BTBD9: variants seen among roughly 807,000 people sequenced by gnomAD.
BTBD9 encodes BTB/POZ domain-containing protein 9.
BTBD9 carries 49 observed loss-of-function variants against 64.3 expected under a neutral mutation model. The ratio of observed to expected loss-of-function variants is 0.76; its 90% CI spans 0.61 to 0.97. The LOEUF (loss-of-function observed/expected upper bound fraction) is 0.97, where lower values mean the gene tolerates loss of function less well. BTBD9 is among the 50% of genes least tolerant of loss of function. BTBD9 has a pLI of 0.00. For synonymous variants in BTBD9, 260 were observed against 274.7 expected (o/e 0.95, Z 0.53); for missense variants, 598 against 762.1 (o/e 0.78, Z 2.53).
intron 7 of BTBD9, among the ~76,000 whole-genome samples, chr6:38,323,659 C>T (rs1290667393): frequency 1.3e-5 from 2 of 152,160 alleles, no homozygotes; most frequent in African/African-American, 4.8e-5. Context: ...CCATTTTGTA[C>T]TTATAGTAGG....
chr6:38,293,329 A>G (rs1762031757), intron 7 of BTBD9, among the ~76,000 whole-genome samples: 1 of 152,226 alleles, frequency 6.6e-6, no homozygotes, highest in Admixed American at 6.5e-5. Context: ...TTTAAATTTC[A>G]CATGGAACCA....
intron 1 of BTBD9, among the ~76,000 whole-genome samples, chr6:38,616,251 T>C (rs1419972030): frequency 6.6e-6 from 1 of 152,124 alleles, no homozygotes; most frequent in Non-Finnish European, 1.5e-5. Flanking sequence ...ACCCTGAGCC[T>C]CAGATGAGAT....
chr6:38,545,847 CACACACAT>C (rs1251290482), intron 6 of BTBD9, among the ~76,000 whole-genome samples: 75 of 102,754 alleles, frequency 7.3e-4, no homozygotes, highest in East Asian at 4.3e-3. Context: ...AACACACACA[CACACACAT>C]ACACACACAC....
intron 6 of BTBD9, among the ~76,000 whole-genome samples, chr6:38,351,602 C>T (rs145650260): frequency 0.036 from 5,022 of 140,276 alleles, 168 homozygotes; most frequent in East Asian, 0.13. Flanking sequence ...CCTGGGTTCA[C>T]GCCATTTTCC....
In BTBD9 at chr6:38,538,160, T is replaced by C. The variant is rs535644215; in HGVS notation, c.1154+39440A>G. Among the ~76,000 whole-genome samples the C allele has an allele frequency of 4.6e-5, 7 of 152,352 alleles. No homozygotes were observed. In the East Asian group the frequency reaches 1.2e-3, roughly 25 times the overall value. On this transcript the variant is annotated intron_variant, in intron 6 of 10. Coordinates refer to ENST00000481247, the MANE Select transcript of BTBD9 (RefSeq NM_001099272.2). ...TCCAAAACCACTCTTTGCAAATTTATAGTACTGAAGTACTAATTTGTCAGA... is the reference window on the plus strand; with the variant it reads ...TCCAAAACCACTCTTTGCAAATTTACAGTACTGAAGTACTAATTTGTCAGA...
At position 38,285,652 on chromosome 6, in the gene BTBD9, A is replaced by G. The variant is rs9349064; in HGVS notation, c.1454+2620T>C. Among the ~76,000 whole-genome samples, 849 of 152,282 alleles carry G rather than the reference A, an allele frequency of 5.6e-3. 57 individuals are homozygous for G. In the East Asian group the frequency reaches 0.15, roughly 27 times the overall value. On this transcript the variant is annotated intron_variant, in intron 8 of 10. Coordinates refer to ENST00000481247, the MANE Select transcript of BTBD9 (RefSeq NM_001099272.2). ...CAAGGAGACTGGTCTTCAAATTAGA[A>G]ATGTCAGAACAAACATAATAAAGAG...
intron 6 of BTBD9, among the ~76,000 whole-genome samples, chr6:38,439,009 T>C (rs192319577): frequency 6.6e-6 from 1 of 152,068 alleles, no homozygotes; most frequent in East Asian, 1.9e-4. Context: ...GCAAAGCGTG[T>C]CCTGGAGTGA....
At chr6:38,240,447 T>A (rs968759954) in intron 9 of BTBD9, among the ~76,000 whole-genome samples, 6 of 152,182 alleles carry the variant, frequency 3.9e-5, no homozygotes, top group South Asian at 2.1e-4. Flanking sequence ...TAGATAAATA[T>A]CAGACTTTTG....
At chr6:38,443,485 C>T (rs1396772320) in intron 6 of BTBD9, among the ~76,000 whole-genome samples, 1 of 152,152 alleles carries the variant, frequency 6.6e-6, no homozygotes, top group Non-Finnish European at 1.5e-5. Context: ...TCGTATTTCC[C>T]AATTTCCCAC....
At chr6:38,547,720 G>T (rs549262418) in intron 6 of BTBD9, among the ~76,000 whole-genome samples, 1 of 152,130 alleles carries the variant, frequency 6.6e-6, no homozygotes, top group African/African-American at 2.4e-5. Context: ...CTTTCCTCAG[G>T]TCTCAGCTTA....
intron 1 of BTBD9, 105 bp downstream of exon 1, chr6:38,639,695 G>A (rs1778659217): frequency 1.3e-5 from 2 of 152,168 alleles, no homozygotes; most frequent in Admixed American, 1.3e-4. Flanking sequence ...CGGAAAAAGC[G>A]GCGGAGGGGC....
intron 9 of BTBD9, among the ~76,000 whole-genome samples, chr6:38,197,358 T>C (rs560705778): frequency 2.6e-5 from 4 of 152,330 alleles, no homozygotes; most frequent in African/African-American, 9.6e-5. Flanking sequence ...TTAGTTTCTT[T>C]CCACCAAAGG....
At chr6:38,358,473 T>C (rs930455173) in intron 6 of BTBD9, among the ~76,000 whole-genome samples, 14 of 152,262 alleles carry the variant, frequency 9.2e-5, no homozygotes, top group African/African-American at 3.1e-4. Flanking sequence ...CTGTACATCC[T>C]CTTTAATCCA....
chr6:38,385,818 A>G (rs1766143142), intron 6 of BTBD9, among the ~76,000 whole-genome samples: 2 of 140,970 alleles, frequency 1.4e-5, no homozygotes, highest in South Asian at 4.4e-4. Context: ...TTTTTGAGAC[A>G]GAGTCTCACT....
chr6:38,273,295 C>T (rs1315523447), intron 8 of BTBD9, among the ~76,000 whole-genome samples: 1 of 152,122 alleles, frequency 6.6e-6, no homozygotes, highest in Non-Finnish European at 1.5e-5. Flanking sequence ...CCAAGACCCC[C>T]CAGTGGATGA....
At chr6:38,190,467 TAAAAAAAAA>T (rs70981527) in intron 10 of BTBD9, among the ~76,000 whole-genome samples, 1 of 77,518 alleles carries the variant, frequency 1.3e-5, no homozygotes, top group African/African-American at 4.7e-5. Flanking sequence ...AAACTCTGTC[TAAAAAAAAA>T]AAAAAAAAAA....
chr6:38,173,508 A>G lies in BTBD9; in HGVS notation c.*1477T>C, dbSNP rs1048882581. ...TGTTCACACGGAAAGACAGTCTTCC[A>G]ATTTAATCACGCAGTTTGATGCTAC... On this transcript the variant is annotated 3_prime_UTR_variant, in exon 11 of 11. Coordinates refer to ENST00000481247, the MANE Select transcript of BTBD9 (RefSeq NM_001099272.2). 2 of 152,260 alleles carry G rather than the reference A, an allele frequency of 1.3e-5. No individual in the cohort carries two copies. The highest frequency in any genetic ancestry group is 2.4e-5 in the African/African-American group (1 of 41,466). The allele number at this position is 152,260 out of a possible 1,614,324, so 9.4% of individuals were successfully genotyped here.
At chr6:38,355,794 T>A (rs1764704873) in intron 6 of BTBD9, among the ~76,000 whole-genome samples, 1 of 152,236 alleles carries the variant, frequency 6.6e-6, no homozygotes, top group South Asian at 2.1e-4. Flanking sequence ...TTAAACAGCC[T>A]GCACACTGTA....
intron 6 of BTBD9, among the ~76,000 whole-genome samples, chr6:38,541,966 T>C (rs951035059): frequency 2.0e-5 from 3 of 152,204 alleles, no homozygotes; most frequent in Non-Finnish European, 4.4e-5. Context: ...AAAACTTATA[T>C]GAACTTGACT....
Sources: gnomAD v4.1 joint callset for allele counts (sites outside exome capture counted in the v4.1 genomes callset) on GRCh38, gnomAD v4.1.1 for gene constraint, MANE v1.5 for transcripts, NCBI Gene and HGNC (gene_info 2026-07-23, HGNC 2026-07-21) for gene names.